Variants in NTM observed in about 807,000 individuals in gnomAD.
NTM encodes IgLON family member 2.
A neutral mutation model predicts 42.1 loss-of-function variants in NTM; 13 were observed. The ratio of observed to expected loss-of-function variants is 0.31; its 90% CI spans 0.20 to 0.49. NTM has a LOEUF of 0.49. NTM is among the 20% of genes least tolerant of loss of function. The pLI, the probability that NTM is intolerant of heterozygous loss-of-function variation, is 0.99. For missense variants in NTM, 373 were observed against 452.8 expected (o/e 0.82, Z 1.60); for synonymous variants, 187 against 179.2 (o/e 1.04, Z -0.35).
chr11:131,696,954 G>T (rs1345470677), intron 1 of NTM, among the ~76,000 whole-genome samples: 1 of 152,188 alleles, frequency 6.6e-6, no homozygotes, highest in Non-Finnish European at 1.5e-5. Context: ...ATGTCACCTT[G>T]CCCCTGGCAC....
intron 1 of NTM, among the ~76,000 whole-genome samples, chr11:131,405,198 C>G (rs1476241528): frequency 6.6e-6 from 1 of 152,286 alleles, no homozygotes; most frequent in South Asian, 2.1e-4. Flanking sequence ...GTGTCCCTCA[C>G]TCTTTCTTGG....
intron 7 of NTM, chr11:132,317,739 A>G: frequency 3.4e-6 from 4 of 1,160,636 alleles, no homozygotes; most frequent in Non-Finnish European, 4.7e-6. Context: ...CCTCTATCCC[A>G]GAGGCCCCCT....
intron 3 of NTM, among the ~76,000 whole-genome samples, chr11:132,149,922 C>A (rs1044789141): frequency 6.6e-6 from 1 of 152,188 alleles, no homozygotes; most frequent in East Asian, 1.9e-4. Flanking sequence ...GTCACACTAG[C>A]CACACTGCAG....
chr11:132,234,919 T>C (rs1219973976), intron 4 of NTM, among the ~76,000 whole-genome samples: 1 of 152,240 alleles, frequency 6.6e-6, no homozygotes, highest in East Asian at 1.9e-4. Flanking sequence ...TTTTCAACGT[T>C]AGATTCCAGT....
At chr11:132,228,702 C>T (rs2086829345) in intron 4 of NTM, among the ~76,000 whole-genome samples, 1 of 152,158 alleles carries the variant, frequency 6.6e-6, no homozygotes, top group South Asian at 2.1e-4. Flanking sequence ...GTTTTGCTTC[C>T]AGCTGCCCAC....
intron 4 of NTM, among the ~76,000 whole-genome samples, chr11:132,299,792 A>C (rs2094773909): frequency 6.6e-6 from 1 of 152,176 alleles, no homozygotes; most frequent in Admixed American, 6.5e-5. Context: ...TTTCCTATGA[A>C]ACATCTTTTA....
intron 1 of NTM, among the ~76,000 whole-genome samples, chr11:131,661,910 T>A (rs2068143824): frequency 6.6e-6 from 1 of 152,134 alleles, no homozygotes; most frequent in Admixed American, 6.6e-5. Context: ...AACATAAAAC[T>A]CAATTCAATA....
At chr11:131,673,897 C>G (rs2739271) in intron 1 of NTM, among the ~76,000 whole-genome samples, 51 of 152,190 alleles carry the variant, frequency 3.4e-4, no homozygotes, top group Non-Finnish European at 5.9e-4. Context: ...TCCACTCCCC[C>G]GTCTGTTGGT....
intron 1 of NTM, among the ~76,000 whole-genome samples, chr11:131,615,493 G>A (rs915530441): frequency 1.3e-5 from 2 of 152,074 alleles, no homozygotes; most frequent in African/African-American, 2.4e-5. Flanking sequence ...AGCCTCTTGA[G>A]TAGCTGGGAT....
chr11:132,298,931 A>T (rs1351160894), intron 4 of NTM, among the ~76,000 whole-genome samples: 1 of 152,176 alleles, frequency 6.6e-6, no homozygotes, highest in Admixed American at 6.5e-5. Flanking sequence ...AGTTGGCACC[A>T]GTTTGTATAA....
chr11:132,311,281 C>T (rs2095272278), intron 6 of NTM, among the ~76,000 whole-genome samples: 1 of 152,132 alleles, frequency 6.6e-6, no homozygotes, highest in South Asian at 2.1e-4. Flanking sequence ...AGAACCACGT[C>T]AATCAGTTTT....
chr11:131,999,424 C>G (rs368326370), intron 2 of NTM, among the ~76,000 whole-genome samples: 1 of 152,094 alleles, frequency 6.6e-6, no homozygotes, highest in Non-Finnish European at 1.5e-5. Context: ...GTAGGGAGAA[C>G]AGTTTGGGGT....
At chr11:131,942,988 C>CTG (rs1292688315) in intron 2 of NTM, among the ~76,000 whole-genome samples, 2 of 151,820 alleles carry the variant, frequency 1.3e-5, no homozygotes, top group East Asian at 3.9e-4. Flanking sequence ...TGTGGGGCTA[C>CTG]CGCAGGGCAT....
chr11:131,903,324 G>C (rs1359865179), intron 1 of NTM, among the ~76,000 whole-genome samples: 1 of 152,228 alleles, frequency 6.6e-6, no homozygotes, highest in Non-Finnish European at 1.5e-5. Flanking sequence ...GGCTTTAGGG[G>C]AAGATTCCCA....
intron 4 of NTM, among the ~76,000 whole-genome samples, chr11:132,278,048 C>T (rs1272511559): frequency 6.6e-6 from 1 of 152,212 alleles, no homozygotes; most frequent in Admixed American, 6.5e-5. Flanking sequence ...CGCTTAATCA[C>T]TGTGGTATTC....
chr11:132,123,795 C>A (rs886106654), intron 2 of NTM, among the ~76,000 whole-genome samples: 1 of 152,140 alleles, frequency 6.6e-6, no homozygotes, highest in Non-Finnish European at 1.5e-5. Flanking sequence ...CACGCATGTG[C>A]CGGTTACTGA....
chr11:131,747,548 A>C (rs1194499235), intron 1 of NTM, among the ~76,000 whole-genome samples: 1 of 152,128 alleles, frequency 6.6e-6, no homozygotes, highest in Non-Finnish European at 1.5e-5. Flanking sequence ...CCCTGAAATC[A>C]TCTTCCACAT....
At chr11:132,328,567 T>C (rs558903724) in intron 7 of NTM, among the ~76,000 whole-genome samples, 31 of 152,296 alleles carry the variant, frequency 2.0e-4, no homozygotes, top group African/African-American at 6.0e-4. Flanking sequence ...TCTGATAGTC[T>C]CAACTGCCAG....
chr11:131,638,563 CAAA>C (rs58374119), intron 1 of NTM, among the ~76,000 whole-genome samples: 762 of 53,242 alleles, frequency 0.014, 1 homozygote, highest in Non-Finnish European at 0.018. Flanking sequence ...GAGACTCCTT[CAAA>C]AAAAAAAAAA....
Sources: allele counts gnomAD v4.1 joint callset (sites outside exome capture counted in the v4.1 genomes callset), GRCh38; gene constraint gnomAD v4.1.1; transcripts MANE v1.5; gene names NCBI Gene and HGNC (gene_info 2026-07-23, HGNC 2026-07-21).